The following NKAIN3 variants were observed in gnomAD, a reference collection of about 807,000 sequenced individuals.
NKAIN3 encodes sodium/potassium-transporting ATPase subunit beta-1-interacting protein 3.
In NKAIN3, 25 loss-of-function variants were observed where a neutral mutation model predicts 30.2. The ratio of observed to expected loss-of-function variants is 0.83; its 90% CI spans 0.60 to 1.16. NKAIN3 has a LOEUF of 1.16. NKAIN3 is among the 50% of genes most tolerant of loss of function. The probability of loss-of-function intolerance (pLI) is 0.00; values close to 1 mark genes in which losing one functional copy is unlikely to be tolerated. For synonymous variants in NKAIN3, 91 were observed against 89.6 expected, an observed-to-expected ratio of 1.02 and a Z score of -0.09; for missense variants, 225 against 254.1, an observed-to-expected ratio of 0.89 and a Z score of 0.78.
At chr8:62,569,825 A>G (rs991993319) in intron 1 of NKAIN3, among the ~76,000 whole-genome samples, 2 of 152,058 alleles carry the variant, frequency 1.3e-5, no homozygotes, top group Non-Finnish European at 2.9e-5. Flanking sequence ...GAAATGGCCT[A>G]GGAAATACCA....
intron 2 of NKAIN3, among the ~76,000 whole-genome samples, chr8:62,583,305 G>A (rs1228625245): frequency 2.6e-5 from 4 of 152,074 alleles, no homozygotes; most frequent in African/African-American, 9.7e-5. Flanking sequence ...GAGGAAGGCA[G>A]TTTTAGGTCT....
At chr8:62,721,835 G>A (rs548863192) in intron 3 of NKAIN3, among the ~76,000 whole-genome samples, 37 of 152,258 alleles carry the variant, frequency 2.4e-4, no homozygotes, top group African/African-American at 8.4e-4. Flanking sequence ...AATGGTTGTG[G>A]CCTCAACTGT....
chr8:62,594,023 T>C (rs1810740365), intron 3 of NKAIN3, among the ~76,000 whole-genome samples: 1 of 152,000 alleles, frequency 6.6e-6, no homozygotes, highest in Non-Finnish European at 1.5e-5. Context: ...TATTACCTTC[T>C]TGTTTAGCAA....
chr8:62,651,832 C>T (rs1563500741), intron 3 of NKAIN3, among the ~76,000 whole-genome samples: 1 of 152,082 alleles, frequency 6.6e-6, no homozygotes, highest in Non-Finnish European at 1.5e-5. Flanking sequence ...TCTAGGACCT[C>T]CCTCCTCCCT....
At chr8:62,719,908 T>C (rs1815034904) in intron 3 of NKAIN3, among the ~76,000 whole-genome samples, 2 of 151,848 alleles carry the variant, frequency 1.3e-5, no homozygotes, top group South Asian at 4.2e-4. Flanking sequence ...AGGCTCTCGC[T>C]ACCACGCCTG....
intron 1 of NKAIN3, among the ~76,000 whole-genome samples, chr8:62,497,681 C>T (rs1415613589): frequency 6.6e-6 from 1 of 152,026 alleles, no homozygotes; most frequent in African/African-American, 2.4e-5. Flanking sequence ...TCCAAAACAT[C>T]CCTGATCCAA....
At chr8:62,803,000 A>C (rs189401056) in intron 4 of NKAIN3, among the ~76,000 whole-genome samples, 3,047 of 152,252 alleles carry the variant, frequency 0.02, 112 homozygotes, top group African/African-American at 0.07. Flanking sequence ...AACCAACAAG[A>C]TCAAAAGAGA....
intron 1 of NKAIN3, among the ~76,000 whole-genome samples, chr8:62,557,911 A>G (rs1809457436): frequency 6.6e-6 from 1 of 152,034 alleles, no homozygotes; most frequent in Non-Finnish European, 1.5e-5. Flanking sequence ...CTTTAGTTTA[A>G]TTAAGTCCCA....
At chr8:62,662,293 G>A (rs1812969937) in intron 3 of NKAIN3, among the ~76,000 whole-genome samples, 1 of 152,140 alleles carries the variant, frequency 6.6e-6, no homozygotes, top group Non-Finnish European at 1.5e-5. Context: ...AATGGGAGTG[G>A]ACAAAACCAC....
chr8:62,329,003 C>T (rs554978033), intron 1 of NKAIN3, among the ~76,000 whole-genome samples: 1 of 152,068 alleles, frequency 6.6e-6, no homozygotes, highest in East Asian at 2.0e-4. Flanking sequence ...TTTTTTGGGT[C>T]ACCCTCTCTG....
At chr8:62,574,748 G>T (rs935609661) in intron 1 of NKAIN3, among the ~76,000 whole-genome samples, 1 of 152,038 alleles carries the variant, frequency 6.6e-6, no homozygotes, top group African/African-American at 2.4e-5. Flanking sequence ...TTTAACTGAG[G>T]TGAGATCATA....
At position 62,311,232 on chromosome 8, in the gene NKAIN3, T is replaced by A. The variant is rs187968604; in HGVS notation, c.54+62105T>A. Among the ~76,000 whole-genome samples the A allele has an allele frequency of 2.0e-5, 3 of 150,626 alleles. 1 individual carries two copies. The highest frequency in any genetic ancestry group is 7.5e-5 in the African/African-American group (3 of 40,016). Reference sequence around the variant, plus strand: ...TCAATTTAATATAGATCTAATTAAATGTATATATATTTTGGTAAGGAGATA... The same window carrying A: ...TCAATTTAATATAGATCTAATTAAAAGTATATATATTTTGGTAAGGAGATA... On this transcript the variant is annotated intron_variant, in intron 1 of 6. Coordinates refer to ENST00000623646, the MANE Select transcript of NKAIN3 (RefSeq NM_001304533.3).
At chr8:62,433,674 G>A (rs1218200121) in intron 1 of NKAIN3, among the ~76,000 whole-genome samples, 1 of 151,918 alleles carries the variant, frequency 6.6e-6, no homozygotes. Flanking sequence ...TGAGGTTTTT[G>A]CCGTTGCTTT....
At chr8:62,905,645 C>G (rs148535564) in intron 4 of NKAIN3, among the ~76,000 whole-genome samples, 212 of 152,168 alleles carry the variant, frequency 1.4e-3, no homozygotes, top group African/African-American at 4.9e-3. Flanking sequence ...TAATTAAGAC[C>G]ACTGATGTCT....
chr8:62,683,176 G>A (rs942967313), intron 3 of NKAIN3, among the ~76,000 whole-genome samples: 3 of 152,056 alleles, frequency 2.0e-5, no homozygotes, highest in Non-Finnish European at 4.4e-5. Context: ...TGGGACTACA[G>A]GTGCCTGCCA....
chr8:62,858,187 G>A (rs55919907), intron 4 of NKAIN3, among the ~76,000 whole-genome samples: 14,269 of 152,080 alleles, frequency 0.094, 705 homozygotes, highest in South Asian at 0.14. Flanking sequence ...TATCACCACC[G>A]AAGTCTGCGA....
intron 5 of NKAIN3, among the ~76,000 whole-genome samples, chr8:62,942,799 A>T (rs1410391636): frequency 6.6e-6 from 1 of 152,196 alleles, no homozygotes; most frequent in Admixed American, 6.6e-5. Context: ...CCTATTCGAC[A>T]AATGGTGCTG....
chr8:62,279,453 G>C (rs867782654), intron 1 of NKAIN3, among the ~76,000 whole-genome samples: 5 of 152,116 alleles, frequency 3.3e-5, no homozygotes, highest in African/African-American at 7.2e-5. Flanking sequence ...TTGCCCATGC[G>C]TATGTCCTGA....
chr8:62,421,748 C>T (rs1174064720), intron 1 of NKAIN3, among the ~76,000 whole-genome samples: 1 of 151,992 alleles, frequency 6.6e-6, no homozygotes, highest in African/African-American at 2.4e-5. Context: ...ATGCTTGTAG[C>T]ATGCTTTATA....
Sources: gnomAD v4.1 joint callset for allele counts (sites outside exome capture counted in the v4.1 genomes callset) on GRCh38, gnomAD v4.1.1 for gene constraint, MANE v1.5 for transcripts, NCBI Gene and HGNC (gene_info 2026-07-23, HGNC 2026-07-21) for gene names.